SLC52A3: variants seen among roughly 807,000 people sequenced by gnomAD.
SLC52A3 encodes the protein solute carrier family 52, riboflavin transporter, member 3.
In SLC52A3, 20 loss-of-function variants were observed where a neutral mutation model predicts 29.5. The ratio of observed to expected loss-of-function variants is 0.68; its 90% CI spans 0.48 to 0.99. The LOEUF (loss-of-function observed/expected upper bound fraction) is 0.99, where lower values mean the gene tolerates loss of function less well. SLC52A3 is among the 50% of genes least tolerant of loss of function. The pLI, the probability that SLC52A3 is intolerant of heterozygous loss-of-function variation, is 0.00. For synonymous variants in SLC52A3, 301 were observed against 271.0 expected (o/e 1.11, Z -1.09); for missense variants, 548 against 612.9 (o/e 0.89, Z 1.12).
chr20:778,629 TAA>T (rs922219545), upstream of SLC52A3, among the ~76,000 whole-genome samples: 1 of 151,494 alleles, frequency 6.6e-6, no homozygotes, highest in Admixed American at 6.6e-5. Flanking sequence ...TTGGATCTGT[TAA>T]AAAAAAATTG....
At chr20:762,547 G>A (rs1986525724) in intron 3 of SLC52A3, among the ~76,000 whole-genome samples, 1 of 152,218 alleles carries the variant, frequency 6.6e-6, no homozygotes, top group Admixed American at 6.5e-5. Flanking sequence ...GGTAAGAACA[G>A]ACAGAGGTCT....
At chr20:776,534 C>T (rs887281449), upstream of SLC52A3, among the ~76,000 whole-genome samples, 4 of 152,086 alleles carry the variant, frequency 2.6e-5, no homozygotes, top group African/African-American at 9.7e-5. Context: ...CCAGAGAAGT[C>T]GAGAGCCTTG....
At chr20:768,030 C>T (rs60387645) in intron 1 of SLC52A3, among the ~76,000 whole-genome samples, 1 of 152,076 alleles carries the variant, frequency 6.6e-6, no homozygotes, top group East Asian at 1.9e-4. Flanking sequence ...CTTTGCCTCT[C>T]TCTGCCTCAT....
At chr20:779,433 C>G (rs1478826208), upstream of SLC52A3, among the ~76,000 whole-genome samples, 1 of 152,118 alleles carries the variant, frequency 6.6e-6, no homozygotes, top group African/African-American at 2.4e-5. Context: ...ACCAGCCTGG[C>G]CAACAAGATG....
intron 1 of SLC52A3, among the ~76,000 whole-genome samples, chr20:767,816 G>C (rs1459756430): frequency 6.6e-6 from 1 of 152,060 alleles, no homozygotes; most frequent in African/African-American, 2.4e-5. Context: ...ACTTCCTCTA[G>C]CCCTCCAGAG....
At chr20:771,189 G>A (rs924916184), upstream of SLC52A3, among the ~76,000 whole-genome samples, 4 of 152,224 alleles carry the variant, frequency 2.6e-5, no homozygotes, top group African/African-American at 9.6e-5. Flanking sequence ...GGAGGCTGAT[G>A]TTGGCAGATC....
At chr20:767,606 C>T (rs1986727390) in intron 1 of SLC52A3, among the ~76,000 whole-genome samples, 1 of 152,176 alleles carries the variant, frequency 6.6e-6, no homozygotes, top group Non-Finnish European at 1.5e-5. Flanking sequence ...CCACCCTCCT[C>T]AGCCTCCCAA....
chr20:765,114 A>G lies in SLC52A3; in HGVS notation c.567+94T>C. ...TGTCAGTTTAACTCATAGGCCGACC[A>G]AAGAACCTAGAAGGATGGAGGTGAG... is the stretch of plus-strand genomic sequence containing the variant. On this transcript the variant is annotated intron_variant, in intron 2 of 4. Coordinates refer to ENST00000645534, the MANE Select transcript of SLC52A3 (RefSeq NM_033409.4). This position sits in a 1 kb window ranked among gnomAD's most constrained non-coding sequence, Gnocchi z 6.6. The G allele has an allele frequency of 1.4e-6, 2 of 1,437,934 alleles. 1 individual carries two copies. The allele number at this position is 1,437,934 out of a possible 1,614,324, so 89.1% of individuals were successfully genotyped here. A position where few individuals can be genotyped will look rare whatever the true frequency, so the allele number is the denominator to read the frequency against.
At chr20:772,542 G>A (rs1454690070), upstream of SLC52A3, among the ~76,000 whole-genome samples, 2 of 152,038 alleles carry the variant, frequency 1.3e-5, no homozygotes, top group East Asian at 1.9e-4. Context: ...GCTGGTGTTC[G>A]GAATGTGTTG....
At chr20:774,610 A>G (rs13045384) in intron 1 of SLC52A3, among the ~76,000 whole-genome samples, 20,712 of 152,250 alleles carry the variant, frequency 0.14, 1,544 homozygotes, top group Non-Finnish European at 0.17. Flanking sequence ...AAAAATGAGA[A>G]GCTGCGGCTG....
upstream of SLC52A3, among the ~76,000 whole-genome samples, chr20:772,848 G>A (rs1170066980): frequency 2.0e-5 from 3 of 152,310 alleles, no homozygotes; most frequent in East Asian, 5.8e-4. Context: ...GGACATGAAG[G>A]GAGTGTGGGA....
chr20:764,307 G>A (rs1298153451), intron 2 of SLC52A3, among the ~76,000 whole-genome samples: 1 of 152,188 alleles, frequency 6.6e-6, no homozygotes, highest in African/African-American at 2.4e-5. Context: ...CAGGGAGAAT[G>A]TGGCAAAGCC....
upstream of SLC52A3, among the ~76,000 whole-genome samples, chr20:768,937 C>T (rs751134188): frequency 1.3e-5 from 2 of 152,218 alleles, no homozygotes; most frequent in African/African-American, 4.8e-5. Context: ...TACAAGACTC[C>T]GTCCTCCAGG....
chr20:772,557 A>G (rs1052366545), upstream of SLC52A3, among the ~76,000 whole-genome samples: 62 of 151,092 alleles, frequency 4.1e-4, 1 homozygote, highest in African/African-American at 1.5e-3. Context: ...GTGTTGGGAT[A>G]CTTTTAAAAG....
intron 3 of SLC52A3, among the ~76,000 whole-genome samples, 175 bp from the exon 4 acceptor site, chr20:761,999 C>T (rs1986506916): frequency 6.6e-6 from 1 of 152,210 alleles, no homozygotes; most frequent in Non-Finnish European, 1.5e-5. Context: ...GCAGGGCTGG[C>T]CTGAGTCATC....
intron 1 of SLC52A3, among the ~76,000 whole-genome samples, chr20:775,125 C>G (rs967047064): frequency 6.6e-6 from 1 of 152,200 alleles, no homozygotes; most frequent in Non-Finnish European, 1.5e-5. Flanking sequence ...CTTGGTGGAG[C>G]AGCCTCCCCC....
chr20:771,864 T>A (rs539443585), upstream of SLC52A3, among the ~76,000 whole-genome samples: 16 of 152,266 alleles, frequency 1.1e-4, 1 homozygote, highest in African/African-American at 3.9e-4. Context: ...CCTCAGACAT[T>A]CCAGGAGAAA....
At chr20:767,370 T>C (rs1208165957) in intron 1 of SLC52A3, among the ~76,000 whole-genome samples, 3 of 151,954 alleles carry the variant, frequency 2.0e-5, no homozygotes, top group Non-Finnish European at 4.4e-5. Flanking sequence ...TTTTTTTTTT[T>C]TCTTGTGACA....
upstream of SLC52A3, among the ~76,000 whole-genome samples, chr20:777,062 C>G (rs1358725400): frequency 6.6e-6 from 1 of 151,980 alleles, no homozygotes; most frequent in Non-Finnish European, 1.5e-5. Flanking sequence ...ATGGCGAAAC[C>G]CTGTCTCCAC....
Sources: allele counts gnomAD v4.1 joint callset (sites outside exome capture counted in the v4.1 genomes callset), GRCh38; gene constraint gnomAD v4.1.1; non-coding constraint Gnocchi (gnomAD v3.1); transcripts MANE v1.5; gene names NCBI Gene and HGNC (gene_info 2026-07-23, HGNC 2026-07-21).